FGF2: variants seen among roughly 807,000 people sequenced by gnomAD.
The protein encoded by FGF2 is basic fibroblast growth factor bFGF.
In FGF2, 13 loss-of-function variants were observed where a neutral mutation model predicts 15.9. The observed-to-expected ratio is 0.82, with a 90% confidence interval of 0.53 to 1.30. The LOEUF (loss-of-function observed/expected upper bound fraction) is 1.30. FGF2 is among the 50% of genes most tolerant of loss of function. The pLI, the probability that FGF2 is intolerant of heterozygous loss-of-function variation, is 0.00. For missense variants in FGF2, 163 were observed against 196.9 expected (o/e 0.83, Z 1.03); for synonymous variants, 90 against 78.4 (o/e 1.15, Z -0.78).
chr4:122,847,540 T>G (rs567666691), intron 1 of FGF2, among the ~76,000 whole-genome samples: 2 of 152,220 alleles, frequency 1.3e-5, no homozygotes, highest in Non-Finnish European at 2.9e-5. Flanking sequence ...ACCTAGCAAC[T>G]CGATTTTTAG....
intron 1 of FGF2, among the ~76,000 whole-genome samples, chr4:122,844,569 CTTT>C (rs768139965): frequency 2.0e-4 from 26 of 128,938 alleles, no homozygotes; most frequent in African/African-American, 5.3e-4. Context: ...TTCTTTCTTT[CTTT>C]TTCTTTCTTT....
chr4:122,870,913 T>C (rs773405282), intron 1 of FGF2, among the ~76,000 whole-genome samples: 1 of 152,120 alleles, frequency 6.6e-6, no homozygotes, highest in African/African-American at 2.4e-5. Context: ...AATTATGATG[T>C]TAGGGTGTTG....
At chr4:122,879,919 A>G (rs1363188423) in intron 2 of FGF2, among the ~76,000 whole-genome samples, 1 of 152,224 alleles carries the variant, frequency 6.6e-6, no homozygotes, top group East Asian at 1.9e-4. Context: ...AGGTGGGGAC[A>G]CAGCCAAACC....
At chr4:122,837,173 A>C (rs1176307738) in intron 1 of FGF2, among the ~76,000 whole-genome samples, 1 of 152,204 alleles carries the variant, frequency 6.6e-6, no homozygotes, top group Non-Finnish European at 1.5e-5. Context: ...TCATCACAAC[A>C]ATCTGAAAAA....
intron 1 of FGF2, among the ~76,000 whole-genome samples, chr4:122,844,282 A>G (rs72917853): frequency 0.025 from 3,848 of 152,294 alleles, 170 homozygotes; most frequent in African/African-American, 0.088. Context: ...TTTTATCATC[A>G]GATTGTAGCA....
At chr4:122,846,059 A>C (rs1726103514) in intron 1 of FGF2, among the ~76,000 whole-genome samples, 1 of 152,156 alleles carries the variant, frequency 6.6e-6, no homozygotes, top group Non-Finnish European at 1.5e-5. Flanking sequence ...TAGGTTTACT[A>C]ATTGGCCTAA....
Position 122,886,322 on chromosome 4 carries a change from T to C in FGF2, c.283-5889T>C, listed in dbSNP as rs891978966. Among the ~76,000 whole-genome samples the C allele has an allele frequency of 5.9e-5, 9 of 152,224 alleles. No individual in the cohort carries two copies. In the South Asian group the frequency reaches 1.9e-3, roughly 31 times the overall value. Reference sequence around the variant, plus strand: ...CATATAATGGTATATGTTATCTTCATGACTGATAACTCATGATATAATCCT... The same window carrying C: ...CATATAATGGTATATGTTATCTTCACGACTGATAACTCATGATATAATCCT... On this transcript the variant is annotated intron_variant, in intron 2 of 2. Coordinates refer to ENST00000644866, the MANE Select transcript of FGF2 (RefSeq NM_001361665.2).
chr4:122,835,669 T>C (rs1578450092), intron 1 of FGF2, among the ~76,000 whole-genome samples: 1 of 152,168 alleles, frequency 6.6e-6, no homozygotes, highest in Non-Finnish European at 1.5e-5. Flanking sequence ...CTCTCTAAAA[T>C]GTTTCCCAGC....
At chr4:122,869,749 G>A (rs775306079) in intron 1 of FGF2, among the ~76,000 whole-genome samples, 5 of 151,980 alleles carry the variant, frequency 3.3e-5, no homozygotes, top group African/African-American at 4.8e-5. Flanking sequence ...GAGATGATGG[G>A]GTTTTCTAAA....
rs183958752 is a variant in FGF2 at position 122,857,936 on chromosome 4, A to G, written c.179-18385A>G. ...TAAAAACCATTTTTACTTTATGGCT[A>G]TAAGAGTTGATACACAGAAAGATTT... On this transcript the variant is annotated intron_variant, in intron 1 of 2. Transcript: ENST00000644866. 3.7e-3 allele frequency among the ~76,000 whole-genome samples: 568 copies of G among 152,292 alleles called. 6 individuals carry two copies. The highest frequency in any genetic ancestry group is 0.012 in the African/African-American group (495 of 41,558).
At chr4:122,872,421 G>A (rs1293787863) in intron 1 of FGF2, among the ~76,000 whole-genome samples, 1 of 151,946 alleles carries the variant, frequency 6.6e-6, no homozygotes, top group African/African-American at 2.4e-5. Flanking sequence ...AAGAAGACAG[G>A]GAGAACAGAA....
Position 122,850,261 on chromosome 4 carries a change from C to CA in FGF2, c.178+22920dup, listed in dbSNP as rs540222625. On this transcript the variant is annotated intron_variant, in intron 1 of 2. Coordinates refer to ENST00000644866, the MANE Select transcript of FGF2 (RefSeq NM_001361665.2). The stretch of plus-strand genomic sequence containing the variant: ...TGGGCAACAAAGTGAGACTCTGTCT[C>CA]AAAAAAAAAAAGAAAAAAAAAAGAT... Among the ~76,000 whole-genome samples the CA allele has an allele frequency of 3.6e-3, 405 of 111,950 alleles. 2 individuals are homozygous for CA. The Middle Eastern group carries it at 0.041, about 11-fold the overall frequency. 73.4% of individuals were successfully genotyped at this position (111,950 alleles called of 152,430 possible).
intron 2 of FGF2, among the ~76,000 whole-genome samples, chr4:122,878,981 G>A (rs1474427714): frequency 6.6e-6 from 1 of 152,198 alleles, no homozygotes; most frequent in East Asian, 1.9e-4. Flanking sequence ...TGTTCAGTGA[G>A]TAGTTGAAAT....
At position 122,896,694 on chromosome 4, in the gene FGF2, G is replaced by A. The variant is rs1457491318; in HGVS notation, c.*4298G>A. The A allele has an allele frequency of 6.6e-6, 1 of 152,154 alleles. No individual in the cohort carries two copies. 9.4% of individuals were successfully genotyped at this position (152,154 alleles called of 1,614,324 possible). The stretch of plus-strand genomic sequence containing the variant: ...AATCCATTTTCTGATGGATTGTTAC[G>A]AGTTGGCTATATAATGTATGTATGG... On this transcript the variant is annotated 3_prime_UTR_variant, in exon 3 of 3. Coordinates refer to ENST00000644866, the MANE Select transcript of FGF2 (RefSeq NM_001361665.2).
chr4:122,832,893 T>A (rs1446431844), intron 1 of FGF2, among the ~76,000 whole-genome samples: 1 of 152,200 alleles, frequency 6.6e-6, no homozygotes, highest in Admixed American at 6.5e-5. Flanking sequence ...AGGTTATGTA[T>A]AGCCACAGGA....
At chr4:122,860,202 G>T (rs1358357506) in intron 1 of FGF2, among the ~76,000 whole-genome samples, 10 of 151,782 alleles carry the variant, frequency 6.6e-5, no homozygotes, top group Admixed American at 5.2e-4. Context: ...GATACTATTT[G>T]TTATCATCAT....
chr4:122,854,405 A>G (rs1447461056), intron 1 of FGF2, among the ~76,000 whole-genome samples: 1 of 152,186 alleles, frequency 6.6e-6, no homozygotes, highest in Non-Finnish European at 1.5e-5. Flanking sequence ...CCCGCACCTC[A>G]CAGGCTTTTA....
chr4:122,843,072 C>T (rs1004011566), intron 1 of FGF2, among the ~76,000 whole-genome samples: 7 of 152,022 alleles, frequency 4.6e-5, no homozygotes, highest in African/African-American at 1.4e-4. Context: ...TTGTTTGGCA[C>T]GACAAGAAAG....
chr4:122,870,565 T>G (rs1206025348), intron 1 of FGF2, among the ~76,000 whole-genome samples: 1 of 152,230 alleles, frequency 6.6e-6, no homozygotes, highest in Non-Finnish European at 1.5e-5. Flanking sequence ...ACGGTGTATG[T>G]GTCCAGGAAT....
Sources: allele counts gnomAD v4.1 joint callset (sites outside exome capture counted in the v4.1 genomes callset), GRCh38; gene constraint gnomAD v4.1.1; transcripts MANE v1.5; gene names NCBI Gene and HGNC (gene_info 2026-07-23, HGNC 2026-07-21).